The following ASAP1 variants were observed in gnomAD, a reference collection of about 807,000 sequenced individuals.
The protein encoded by ASAP1 is arf-GAP with SH3 domain, ANK repeat and PH domain-containing protein 1.
ASAP1 carries 43 observed loss-of-function variants against 145.2 expected under a neutral mutation model. That is an observed-to-expected ratio of 0.30 (90% CI 0.23 to 0.38). ASAP1 has a LOEUF of 0.38. ASAP1 is among the 10% of genes least tolerant of loss of function. The pLI, the probability that ASAP1 is intolerant of heterozygous loss-of-function variation, is 1.00. For missense variants in ASAP1, 1,018 were observed against 1,355.3 expected (o/e 0.75, Z 3.91); for synonymous variants, 546 against 515.5 (o/e 1.06, Z -0.80).
At chr8:130,396,298 C>T (rs1298909745) in intron 2 of ASAP1, among the ~76,000 whole-genome samples, 2 of 152,180 alleles carry the variant, frequency 1.3e-5, no homozygotes. Context: ...TGCCATGAGT[C>T]TTATTCATGT....
At chr8:130,337,816 TG>T (rs1825129356) in intron 3 of ASAP1, among the ~76,000 whole-genome samples, 1 of 152,204 alleles carries the variant, frequency 6.6e-6, no homozygotes, top group South Asian at 2.1e-4. Flanking sequence ...GAAGAGGCAA[TG>T]GCCAGACTTG....
intron 11 of ASAP1, among the ~76,000 whole-genome samples, chr8:130,167,122 G>A (rs774316846): frequency 2.6e-5 from 4 of 151,944 alleles, no homozygotes; most frequent in Non-Finnish European, 5.9e-5. Context: ...AGGGCAACAT[G>A]GTCAAACTCC....
chr8:130,077,537 CTTTTTTTTTTTTTTTTT>C (rs58327713), intron 26 of ASAP1, among the ~76,000 whole-genome samples: 4 of 62,030 alleles, frequency 6.4e-5, no homozygotes, highest in Non-Finnish European at 8.3e-5. Context: ...GCTGCTGCTG[CTTTTTTTTTTTTTTTTT>C]TTTTTTTTTT....
intron 5 of ASAP1, among the ~76,000 whole-genome samples, chr8:130,211,866 T>A (rs1290560043): frequency 6.6e-6 from 1 of 152,204 alleles, no homozygotes; most frequent in East Asian, 1.9e-4. Flanking sequence ...TGCTTAACGT[T>A]TCTGGCCTTC....
At chr8:130,415,774 C>T (rs1207486708) in intron 1 of ASAP1, among the ~76,000 whole-genome samples, 1 of 149,414 alleles carries the variant, frequency 6.7e-6, no homozygotes, top group Non-Finnish European at 1.5e-5. Context: ...GAGTGAAACT[C>T]CATCTCAAAA....
rs754555752 is a variant in ASAP1 at position 130,052,454 on chromosome 8, TA to T, written c.*2276del. 1.7e-4 allele frequency: 26 copies of T among 152,504 alleles called. No homozygotes were observed. The highest frequency in any genetic ancestry group is 3.7e-4 in the Non-Finnish European group (25 of 68,030). The allele number at this position is 152,504 out of a possible 1,614,324, so 9.4% of individuals were successfully genotyped here. A position where few individuals can be genotyped will look rare whatever the true frequency, so the allele number is the denominator to read the frequency against. On this transcript the variant is annotated 3_prime_UTR_variant, in exon 30 of 30. Transcript: ENST00000518721. ...GGTTCCATATCTTCAAAATACTATA[TA>T]ATGTACAAAATTGCAGATAGTGGCT...
intron 11 of ASAP1, among the ~76,000 whole-genome samples, chr8:130,161,384 A>G (rs1216424177): frequency 6.6e-6 from 1 of 152,196 alleles, no homozygotes; most frequent in Non-Finnish European, 1.5e-5. Flanking sequence ...CAAGTAATGT[A>G]TGTTCAGTGA....
chr8:130,179,822 T>C (rs188578926), intron 8 of ASAP1, among the ~76,000 whole-genome samples: 208 of 152,252 alleles, frequency 1.4e-3, no homozygotes, highest in Non-Finnish European at 1.8e-3. Flanking sequence ...CACTAATTTA[T>C]TGAGGTAACT....
intron 24 of ASAP1, among the ~76,000 whole-genome samples, chr8:130,101,374 T>C (rs187128921): frequency 1.2e-4 from 19 of 152,352 alleles, no homozygotes; most frequent in Non-Finnish European, 2.9e-5. Context: ...CTCTTGGTAG[T>C]ATGATCATTT....
chr8:130,071,011 G>A (rs140480205), intron 27 of ASAP1, among the ~76,000 whole-genome samples: 1,986 of 11,370 alleles, frequency 0.17, 424 homozygotes, highest in African/African-American at 0.38. Context: ...GGGGAGGGGG[G>A]GAGAGAGAGA....
intron 27 of ASAP1, among the ~76,000 whole-genome samples, chr8:130,070,298 A>G (rs2097440178): frequency 6.6e-6 from 1 of 152,060 alleles, no homozygotes; most frequent in Non-Finnish European, 1.5e-5. Flanking sequence ...TGGCCTCTCA[A>G]AGTGCTGGGA....
chr8:130,063,100 G>T (rs922529513), intron 27 of ASAP1, among the ~76,000 whole-genome samples: 3 of 151,840 alleles, frequency 2.0e-5, no homozygotes, highest in African/African-American at 7.3e-5. Context: ...GAAGAGCAGA[G>T]AAAAAAAAGA....
At chr8:130,254,522 T>G (rs1330567130) in intron 3 of ASAP1, among the ~76,000 whole-genome samples, 1 of 152,138 alleles carries the variant, frequency 6.6e-6, no homozygotes, top group Non-Finnish European at 1.5e-5. Flanking sequence ...GAAAAAGTAC[T>G]GATAAAAAAG....
rs543843554 is a variant in ASAP1, at chr8:130,077,661, T to C, written c.2643-1255A>G. ...CCCGGGATCAAGCGATTCTTGTGCC[T>C]CAGCTAACTGCATTTAAAAGAAAAG... On this transcript the variant is annotated intron_variant, in intron 26 of 29. Transcript: ENST00000518721. Among the ~76,000 whole-genome samples the C allele has an allele frequency of 2.0e-5, 3 of 148,416 alleles. No homozygotes were observed. In the South Asian group the frequency reaches 6.5e-4, roughly 32 times the overall value.
chr8:130,055,418 A>T (rs534352180), intron 29 of ASAP1, among the ~76,000 whole-genome samples: 1 of 152,112 alleles, frequency 6.6e-6, no homozygotes, highest in Non-Finnish European at 1.5e-5. Flanking sequence ...TAGGATGCAT[A>T]CAGACCATTA....
intron 3 of ASAP1, among the ~76,000 whole-genome samples, chr8:130,351,837 G>A (rs1470209221): frequency 1.3e-5 from 2 of 152,174 alleles, no homozygotes; most frequent in Non-Finnish European, 2.9e-5. Flanking sequence ...AGATTTGGAG[G>A]GGACAAAAAT....
chr8:130,368,566 T>C (rs1827069127), intron 2 of ASAP1, among the ~76,000 whole-genome samples: 1 of 152,180 alleles, frequency 6.6e-6, no homozygotes, highest in Non-Finnish European at 1.5e-5. Flanking sequence ...AGAATCCTGA[T>C]AACAGCAATG....
At chr8:130,205,591 CTTTT>C (rs10679649) in intron 5 of ASAP1, among the ~76,000 whole-genome samples, 1 of 119,254 alleles carries the variant, frequency 8.4e-6, no homozygotes, top group Non-Finnish European at 1.7e-5. Flanking sequence ...AAATACACGG[CTTTT>C]TTTTTTTTTT....
intron 3 of ASAP1, among the ~76,000 whole-genome samples, chr8:130,319,637 G>C (rs534111687): frequency 3.9e-5 from 6 of 152,304 alleles, no homozygotes; most frequent in African/African-American, 1.4e-4. Flanking sequence ...AAAAGCCCTA[G>C]ACCCAGCAAC....
Sources: allele counts gnomAD v4.1 joint callset (sites outside exome capture counted in the v4.1 genomes callset), GRCh38; gene constraint gnomAD v4.1.1; transcripts MANE v1.5; gene names NCBI Gene and HGNC (gene_info 2026-07-23, HGNC 2026-07-21).